The following KBTBD12 variants were observed in gnomAD, a reference collection of about 807,000 sequenced individuals.
KBTBD12 encodes the protein kelch repeat and BTB domain-containing protein 12.
A neutral mutation model predicts 58.7 loss-of-function variants in KBTBD12; 53 were observed. That is an observed-to-expected ratio of 0.90 (90% CI 0.72 to 1.14). KBTBD12 has a LOEUF of 1.14. KBTBD12 is among the 50% of genes most tolerant of loss of function. The pLI is 0.00. For synonymous variants in KBTBD12, 236 were observed against 259.8 expected, an observed-to-expected ratio of 0.91 and a Z score of 0.88; for missense variants, 704 against 751.3, an observed-to-expected ratio of 0.94 and a Z score of 0.74.
At chr3:127,916,151 G>C (rs1372499316) in intron 1 of KBTBD12, among the ~76,000 whole-genome samples, 1 of 152,006 alleles carries the variant, frequency 6.6e-6, no homozygotes, top group Admixed American at 6.5e-5. Context: ...ATGCAAAACA[G>C]TGTGAACTCG....
chr3:127,975,648 G>A (rs1940771446), intron 5 of KBTBD12, among the ~76,000 whole-genome samples: 1 of 152,186 alleles, frequency 6.6e-6, no homozygotes, highest in African/African-American at 2.4e-5. Context: ...TCCATGCTCT[G>A]TGCTAAGCTG....
At chr3:127,966,554 T>G (rs967132633) in intron 5 of KBTBD12, among the ~76,000 whole-genome samples, 7 of 152,170 alleles carry the variant, frequency 4.6e-5, no homozygotes, top group Non-Finnish European at 7.4e-5. Context: ...TTGGAAAGTG[T>G]AGTAGAGGAA....
chr3:127,927,532 C>G (rs1208629222), intron 2 of KBTBD12, among the ~76,000 whole-genome samples: 4 of 151,588 alleles, frequency 2.6e-5, no homozygotes, highest in Non-Finnish European at 5.9e-5. Flanking sequence ...CTATATTTTC[C>G]CCAAAACTCT....
Position 127,922,954 on chromosome 3 carries a change from G to C in KBTBD12, c.-108G>C. ...TGCCTTTTTTCTTTCCCTTAGAAAT[G>C]TTTCCTGACATCTTTGTAGCTTCAT... On this transcript the variant is annotated 5_prime_UTR_variant, in exon 2 of 6. It removes an upstream start codon present in the reference 5' UTR. Coordinates refer to ENST00000405109, the MANE Select transcript of KBTBD12 (RefSeq NM_207335.4). 1.5e-6 allele frequency: 1 copy of C among 660,018 alleles called. No individual in the cohort carries two copies. 40.9% of individuals were successfully genotyped at this position (660,018 alleles called of 1,614,324 possible).
rs746088557 is a variant in KBTBD12, at chr3:127,923,327, T to C, written c.266T>C (p.Met89Thr). 6.2e-7 allele frequency: 1 copy of C among 1,613,892 alleles called. No homozygotes were observed. The highest frequency in any genetic ancestry group is 8.5e-7 in the Non-Finnish European group (1 of 1,179,824). Reference protein sequence around the residue: ...AESVSVLLNYMYNAALEINNA... With the variant: ...AESVSVLLNYTYNAALEINNA... ...AGTGTGTCGGTGTTATTAAATTACA[T>C]GTACAATGCAGCTTTGGAGATCAAT... The change falls in exon 2 of 6, where the codon ATG becomes ACG. Residue 89 changes from methionine (M) to threonine (T), a missense_variant. By Grantham distance (81) the Met-to-Thr change is moderately conservative. Coordinates refer to ENST00000405109, the MANE Select transcript of KBTBD12 (RefSeq NM_207335.4).
chr3:127,924,002 C>T lies in KBTBD12; in HGVS notation c.941C>T (p.Pro314Leu). The change falls in exon 2 of 6, where the codon CCC (proline) becomes CTC (leucine). Residue 314 changes from proline to leucine, a missense_variant. Coordinates refer to ENST00000405109, the MANE Select transcript of KBTBD12 (RefSeq NM_207335.4). The part of the protein sequence containing the change: ...VSRKTYFISS[P>L]KYGEGLGTVC... The stretch of plus-strand genomic sequence containing the variant: ...CGGAAAACCTATTTCATCTCATCTC[C>T]CAAGTACGGAGAGGGTTTAGGAACT... The T allele has an allele frequency of 1.9e-6, 3 of 1,613,774 alleles. No individual in the cohort carries two copies. The highest frequency in any genetic ancestry group is 2.5e-6 in the Non-Finnish European group (3 of 1,179,768).
intron 4 of KBTBD12, among the ~76,000 whole-genome samples, chr3:127,946,218 G>T (rs1224551045): frequency 6.6e-6 from 1 of 152,054 alleles, no homozygotes; most frequent in African/African-American, 2.4e-5. Context: ...GCCATTTTCA[G>T]CATTCTTCAC....
chr3:127,923,994 C>G lies in KBTBD12; in HGVS notation c.933C>G (p.Ile311Met). The G allele has an allele frequency of 1.2e-6, 2 of 1,613,786 alleles. No individual in the cohort carries two copies. Among genetic ancestry groups the G allele is most frequent in the Non-Finnish European group, 1.7e-6 (2 of 1,179,748 alleles). Reference protein sequence around the residue: ...YDPVSRKTYFISSPKYGEGLG... With the variant: ...YDPVSRKTYFMSSPKYGEGLG... ...CTGTATCACGGAAAACCTATTTCAT[C>G]TCATCTCCCAAGTACGGAGAGGGTT... The change falls in exon 2 of 6, where the codon ATC becomes ATG. Residue 311 changes from isoleucine to methionine, a missense_variant. Transcript: ENST00000405109.
chr3:127,962,597 A>G (rs1281308314), intron 4 of KBTBD12, among the ~76,000 whole-genome samples: 2 of 152,362 alleles, frequency 1.3e-5, no homozygotes, highest in East Asian at 1.9e-4. Context: ...CTTACATATA[A>G]TAGGCACTTA....
At chr3:127,950,479 A>G (rs1940179981) in intron 4 of KBTBD12, among the ~76,000 whole-genome samples, 1 of 152,236 alleles carries the variant, frequency 6.6e-6, no homozygotes, top group African/African-American at 2.4e-5. Context: ...AGTAACATTG[A>G]TGTCAAATAG....
intron 4 of KBTBD12, among the ~76,000 whole-genome samples, chr3:127,938,948 A>C (rs1437800801): frequency 1.3e-5 from 2 of 152,194 alleles, no homozygotes; most frequent in Non-Finnish European, 2.9e-5. Flanking sequence ...CATAGGATTT[A>C]CTATGTTTTC....
At chr3:127,954,022 C>T (rs959359283) in intron 4 of KBTBD12, among the ~76,000 whole-genome samples, 19 of 152,216 alleles carry the variant, frequency 1.2e-4, no homozygotes, top group Middle Eastern at 3.4e-3. Flanking sequence ...AGGAACGTAA[C>T]TATTTTTGTT....
In KBTBD12 at chr3:127,938,273, A is replaced by G. The variant is rs77321816; in HGVS notation, c.1492+7990A>G. On this transcript the variant is annotated intron_variant, in intron 4 of 5. Coordinates refer to ENST00000405109, the MANE Select transcript of KBTBD12 (RefSeq NM_207335.4). ...AAATAGTAAAAGAAATGAAATCAAA[A>G]TTATAATAACAAGTTGGGACAGGGG... Among the ~76,000 whole-genome samples, 84 of 152,308 alleles carry G rather than the reference A, an allele frequency of 5.5e-4. 3 individuals carry two copies. The East Asian group carries it at 0.015, about 28-fold the overall frequency.
At chr3:127,972,425 G>A (rs1940698685) in intron 5 of KBTBD12, among the ~76,000 whole-genome samples, 1 of 151,252 alleles carries the variant, frequency 6.6e-6, no homozygotes, top group African/African-American at 2.4e-5. Flanking sequence ...TAAGAGCCTG[G>A]CTGATGTCTG....
chr3:127,983,967 A>C, intron 5 of KBTBD12, 130 bp from the exon 6 acceptor site: 3 of 691,806 alleles, frequency 4.3e-6, no homozygotes, highest in Non-Finnish European at 7.6e-6. Context: ...AGTCCTGGGT[A>C]TTCTGTTAAC....
At chr3:127,949,781 A>T (rs143306040) in intron 4 of KBTBD12, among the ~76,000 whole-genome samples, 3 of 152,306 alleles carry the variant, frequency 2.0e-5, no homozygotes, top group Non-Finnish European at 4.4e-5. Flanking sequence ...AGTAAGGGAG[A>T]TGAGGCTGCT....
rs188812843 is a variant in KBTBD12 at position 127,982,880 on chromosome 3, C to T, written c.1691-1217C>T. Among the ~76,000 whole-genome samples, 5 of 151,846 alleles carry T rather than the reference C, an allele frequency of 3.3e-5. No homozygotes were observed. The East Asian group carries it at 7.7e-4, about 23-fold the overall frequency. ...GGGCCTTCCTAAGCCCCGCTCACAG[C>T]GTTCTAAAGGTCCCTTGACTGAACT... is the stretch of plus-strand genomic sequence containing the variant. On this transcript the variant is annotated intron_variant, in intron 5 of 5. Transcript: ENST00000405109.
chr3:127,972,184 T>C (rs1260045177), intron 5 of KBTBD12, among the ~76,000 whole-genome samples: 1 of 152,226 alleles, frequency 6.6e-6, no homozygotes, highest in African/African-American at 2.4e-5. Context: ...CAACTATTAT[T>C]TCCCTTATTT....
intron 4 of KBTBD12, among the ~76,000 whole-genome samples, chr3:127,962,022 A>C (rs1940450666): frequency 6.6e-6 from 1 of 152,220 alleles, no homozygotes; most frequent in Non-Finnish European, 1.5e-5. Context: ...ACCACCCAAC[A>C]TATGCAGTTT....
Sources: gnomAD v4.1 joint callset for allele counts (sites outside exome capture counted in the v4.1 genomes callset) on GRCh38, gnomAD v4.1.1 for gene constraint, MANE v1.5 for transcripts, NCBI Gene and HGNC (gene_info 2026-07-23, HGNC 2026-07-21) for gene names.